The following SGSH variants were observed in gnomAD, a reference collection of about 807,000 sequenced individuals.
SGSH encodes heparan sulfate sulfatase.
A neutral mutation model predicts 51.0 loss-of-function variants in SGSH; 48 were observed. The ratio of observed to expected loss-of-function variants is 0.94; its 90% confidence interval spans 0.75 to 1.20. SGSH has a LOEUF of 1.20. Among genes scored for constraint, SGSH ranks in the 50% most tolerant of loss-of-function variants. The probability of loss-of-function intolerance (pLI) is 0.00; values close to 1 mark genes in which losing one functional copy is unlikely to be tolerated. For missense variants in SGSH, 662 were observed against 717.8 expected (o/e 0.92, Z 0.89); for synonymous variants, 321 against 313.4 (o/e 1.02, Z -0.26).
chr17:80,214,558 C>G (rs1471246190), intron 4 of SGSH, 57 bp downstream of exon 4: 7 of 1,565,738 alleles, frequency 4.5e-6, no homozygotes, highest in Non-Finnish European at 4.4e-6. Context: ...CGGAAGACTC[C>G]GGGCTGTGCT....
downstream of SGSH, chr17:80,204,139 G>C: frequency 7.8e-7 from 1 of 1,288,134 alleles, no homozygotes; most frequent in Non-Finnish European, 1.1e-6. Flanking sequence ...CTCCCAGGTC[G>C]CCCTAGTGCC....
chr17:80,208,309 G>A (rs2144641245), downstream of SGSH: 1 of 1,605,918 alleles, frequency 6.2e-7, no homozygotes, highest in Admixed American at 1.7e-5. Context: ...CCGACGAGCA[G>A]AAGAAGGTGG....
rs770029279 is a variant in SGSH at position 80,212,326 on chromosome 17, A to T, written c.746-52T>A. On this transcript the variant is annotated intron_variant, in intron 6 of 7. Transcript: ENST00000326317. The surrounding 1 kb of genome is among the most constrained non-coding windows in gnomAD (Gnocchi z 5.9). ...CTCAGCCGCAGACACGGAGGGAGGC[A>T]GCGGGTGGTGTGTGTAGACCCACCT... 1 of 1,508,600 alleles carries T rather than the reference A, an allele frequency of 6.6e-7. No homozygotes were observed. Among genetic ancestry groups the T allele is most frequent in the South Asian group, 1.2e-5 (1 of 84,476 alleles). The allele number at this position is 1,508,600 out of a possible 1,614,324, so 93.5% of individuals were successfully genotyped here.
downstream of SGSH, chr17:80,202,084 AG>A: frequency 7.9e-7 from 1 of 1,265,528 alleles, no homozygotes; most frequent in Non-Finnish European, 1.1e-6. Flanking sequence ...TGAGACTGGG[AG>A]GGTCCTTCCT....
intron 1 of SGSH, 156 bp downstream of exon 1, chr17:80,220,070 G>T: frequency 1.8e-6 from 1 of 561,172 alleles, no homozygotes; most frequent in South Asian, 2.3e-5. Context: ...TGAAGAGTCT[G>T]GGGGCGGCAC....
At chr17:80,215,873 G>A (rs2041872574) in intron 2 of SGSH, among the ~76,000 whole-genome samples, 1 of 152,188 alleles carries the variant, frequency 6.6e-6, no homozygotes, top group Admixed American at 6.5e-5. Flanking sequence ...CAGCCAAAGG[G>A]TAGCAGCAAC....
At position 80,220,296 on chromosome 17, in the gene SGSH, G is replaced by T. The variant is rs544042160; in HGVS notation, c.18C>A (p.Pro6=). The T allele has an allele frequency of 1.3e-6, 2 of 1,516,694 alleles. No homozygotes were observed. The highest frequency in any genetic ancestry group is 1.8e-6 in the Non-Finnish European group (2 of 1,139,170). The allele number at this position is 1,516,694 out of a possible 1,614,324, so 94.0% of individuals were successfully genotyped here. Residue 6 remains proline (P), a synonymous_variant, in exon 1 of 8, where the codon CCC becomes CCA. Transcript: ENST00000326317. Reference sequence around the variant, plus strand: ...GGACTAGCAGCAGCGCGCAGCAGGCGGGCACGGGGCAGCTCATGGCGGCGG... The same window carrying T: ...GGACTAGCAGCAGCGCGCAGCAGGCTGGCACGGGGCAGCTCATGGCGGCGG... MSCPV[P]ACCALLLVLG...
chr17:80,213,980 C>T lies in SGSH; in HGVS notation c.664-95G>A. 1 of 1,361,482 alleles carries T rather than the reference C, an allele frequency of 7.3e-7. No homozygotes were observed. The allele number at this position is 1,361,482 out of a possible 1,614,324, so 84.3% of individuals were successfully genotyped here. On this transcript the variant is annotated intron_variant, in intron 5 of 7. Transcript: ENST00000326317. This position sits in a 1 kb window ranked among gnomAD's most constrained non-coding sequence, Gnocchi z 4.6. ...GGGGCCTCCTGCAAATGGGTTAGCCCAGAACAGCCTCACTCCGGACCACCC... is the reference window on the plus strand; with the variant it reads ...GGGGCCTCCTGCAAATGGGTTAGCCTAGAACAGCCTCACTCCGGACCACCC...
chr17:80,214,421 A>G (rs2041807321), intron 4 of SGSH, 93 bp from the exon 5 acceptor site: 1 of 1,449,308 alleles, frequency 6.9e-7, no homozygotes, highest in South Asian at 1.3e-5. Flanking sequence ...TGTATCTGGA[A>G]GTCAACCTGT....
At chr17:80,203,776 A>T, downstream of SGSH, 1 of 1,501,020 alleles carries the variant, frequency 6.7e-7, no homozygotes, top group Non-Finnish European at 9.1e-7. This position sits in a 1 kb window ranked among gnomAD's most constrained non-coding sequence, Gnocchi z 4.6. Flanking sequence ...TGCCCTGCTC[A>T]CCTGGCAGGA....
chr17:80,214,780 A>G lies in SGSH; in HGVS notation c.356-15T>C. On this transcript the variant is annotated splice_polypyrimidine_tract_variant and intron_variant, in intron 3 of 7. Transcript: ENST00000326317. ...CCCGATGATGCCTGGGCGGGAAGAG[A>G]GGCCTGGCCAGAGTCCCTTCAGCCT... The G allele has an allele frequency of 1.9e-6, 3 of 1,608,528 alleles. No homozygotes were observed.
At position 80,215,145 on chromosome 17, in the gene SGSH, G is replaced by A; in HGVS notation, c.250-7C>T. On this transcript the variant is annotated splice_polypyrimidine_tract_variant and splice_region_variant and intron_variant, in intron 2 of 7. Transcript: ENST00000326317. ...CGTACATCCCATTCTGATGCTGCCA[G>A]CAAAGGCGCATGAGGTCCGGGGCCC... is the stretch of plus-strand genomic sequence containing the variant. The A allele has an allele frequency of 1.2e-6, 2 of 1,607,590 alleles. No homozygotes were observed. Among genetic ancestry groups the A allele is most frequent in the Non-Finnish European group, 1.7e-6 (2 of 1,177,958 alleles).
chr17:80,212,374 C>G lies in SGSH; in HGVS notation c.746-100G>C. The stretch of plus-strand genomic sequence containing the variant: ...CCTGCTGCTGCATCCGGCCGCTGGG[C>G]TCCAGCGCTTTCCGGATTCGAAAGC... On this transcript the variant is annotated intron_variant, in intron 6 of 7. Transcript: ENST00000326317. This position sits in a 1 kb window ranked among gnomAD's most constrained non-coding sequence, Gnocchi z 5.9. 9.3e-7 allele frequency: 1 copy of G among 1,070,188 alleles called. No homozygotes were observed. Among genetic ancestry groups the G allele is most frequent in the Non-Finnish European group, 1.4e-6 (1 of 714,416 alleles). The allele number at this position is 1,070,188 out of a possible 1,614,324, so 66.3% of individuals were successfully genotyped here. A position where few individuals can be genotyped will look rare whatever the true frequency, so the allele number is the denominator to read the frequency against.
Position 80,215,153 on chromosome 17 carries a change from G to A in SGSH, c.250-15C>T, listed in dbSNP as rs369082713. On this transcript the variant is annotated splice_polypyrimidine_tract_variant and intron_variant, in intron 2 of 7. Coordinates refer to ENST00000326317, the MANE Select transcript of SGSH (RefSeq NM_000199.5). The stretch of plus-strand genomic sequence containing the variant: ...CCATTCTGATGCTGCCAGCAAAGGC[G>A]CATGAGGTCCGGGGCCCCCGGACAG... 110 of 1,602,442 alleles carry A rather than the reference G, an allele frequency of 6.9e-5. No individual in the cohort carries two copies. The highest frequency in any genetic ancestry group is 8.0e-5 in the African/African-American group (6 of 74,864).
chr17:80,218,401 C>G (rs1021669107), intron 1 of SGSH, among the ~76,000 whole-genome samples: 3 of 152,210 alleles, frequency 2.0e-5, no homozygotes, highest in Admixed American at 6.5e-5. Context: ...CCGCTGAACT[C>G]CTACAACCAC....
rs367805575 is a variant in SGSH, at chr17:80,214,711, G to A, written c.410C>T (p.Ala137Val). 114 of 1,612,842 alleles carry A rather than the reference G, an allele frequency of 7.1e-5. No homozygotes were observed. Among genetic ancestry groups the A allele is most frequent in the Non-Finnish European group, 9.0e-5 (106 of 1,179,806 alleles). ...GPETVYPFDFAYTEENGSVLQ... is the reference protein window; with the variant it reads ...GPETVYPFDFVYTEENGSVLQ... Reference sequence around the variant, plus strand: ...GACGGAGCCATTCTCCTCCGTGTACGCAAAGTCAAACGGGTACACGGTCTC... The same window carrying A: ...GACGGAGCCATTCTCCTCCGTGTACACAAAGTCAAACGGGTACACGGTCTC... The change falls in exon 4 of 8, where the codon GCG becomes GTG. Residue 137 changes from alanine (A) to valine (V), a missense_variant. Transcript: ENST00000326317.
Position 80,212,282 on chromosome 17 carries a change from G to A in SGSH, c.746-8C>T. The stretch of plus-strand genomic sequence containing the variant: ...GGAGCACCAGTCCAACTCCTGTGGT[G>A]AGGGGCCGAGAAGCAGAGCTCAGCC... On this transcript the variant is annotated splice_region_variant and splice_polypyrimidine_tract_variant and intron_variant, in intron 6 of 7. Transcript: ENST00000326317. This position sits in a 1 kb window ranked among gnomAD's most constrained non-coding sequence, Gnocchi z 5.9. 6.3e-7 allele frequency: 1 copy of A among 1,597,378 alleles called. No individual in the cohort carries two copies. Among genetic ancestry groups the A allele is most frequent in the South Asian group, 1.1e-5 (1 of 89,098 alleles).
In SGSH at chr17:80,212,240, G is replaced by A. The variant is rs530964770; in HGVS notation, c.780C>T (p.Ala260=). 9.9e-5 allele frequency: 159 copies of A among 1,612,424 alleles called. 1 individual carries two copies. The South Asian group carries it at 1.3e-3, about 13-fold the overall frequency. ...VGLVLQELRD[A]GVLNDTLVIF... ...TCACCAGTGTGTCGTTCAGGACACC[G>A]GCGTCACGCAGCTCCTGGAGCACCA... The change falls in exon 7 of 8, where the codon GCC becomes GCT. Residue 260 remains alanine, a synonymous_variant. Coordinates refer to ENST00000326317, the MANE Select transcript of SGSH (RefSeq NM_000199.5). The surrounding 1 kb of genome is among the most constrained non-coding windows in gnomAD (Gnocchi z 5.9).
intron 2 of SGSH, among the ~76,000 whole-genome samples, chr17:80,216,140 C>G (rs1410768814): frequency 6.6e-6 from 1 of 151,994 alleles, no homozygotes; most frequent in Non-Finnish European, 1.5e-5. Flanking sequence ...ACCAGCCTGA[C>G]CAACATGATG....
Sources: gnomAD v4.1 joint callset for allele counts (sites outside exome capture counted in the v4.1 genomes callset) on GRCh38, gnomAD v4.1.1 for gene constraint, Gnocchi (gnomAD v3.1) non-coding constraint, MANE v1.5 for transcripts, NCBI Gene and HGNC (gene_info 2026-07-23, HGNC 2026-07-21) for gene names.